TFEC: variants seen among roughly 807,000 people sequenced by gnomAD.
TFEC encodes class E basic helix-loop-helix protein 34.
TFEC carries 31 observed loss-of-function variants against 41.6 expected under a neutral mutation model. The observed-to-expected ratio is 0.74, with a 90% CI of 0.56 to 1.01. The LOEUF is 1.01. Ranked by LOEUF, TFEC falls within the 50% of genes least tolerant of loss-of-function variation. The probability of loss-of-function intolerance (pLI) is 0.00; values close to 1 mark genes in which losing one functional copy is unlikely to be tolerated. For synonymous variants in TFEC, 143 were observed against 140.6 expected (o/e 1.02, Z -0.12); for missense variants, 402 against 404.1 (o/e 0.99, Z 0.04).
intron 3 of TFEC, among the ~76,000 whole-genome samples, chr7:115,972,872 TG>T: frequency 6.6e-6 from 1 of 152,024 alleles, no homozygotes; most frequent in East Asian, 1.9e-4. Context: ...GTAAGTACCA[TG>T]TACAAAGAAG....
intron 6 of TFEC, among the ~76,000 whole-genome samples, chr7:115,947,752 C>T (rs550602547): frequency 9.3e-6 from 1 of 107,218 alleles, no homozygotes; most frequent in Non-Finnish European, 2.0e-5. Flanking sequence ...CGTTCACCCA[C>T]TTTTTGATGG....
At chr7:116,039,972 C>G (rs1370682018) in intron 3 of TFEC, among the ~76,000 whole-genome samples, 1 of 152,020 alleles carries the variant, frequency 6.6e-6, no homozygotes, top group African/African-American at 2.4e-5. Context: ...TTCCCTTGTT[C>G]CTCAAGTAAG....
At chr7:116,128,104 T>C (rs937095803) in intron 1 of TFEC, among the ~76,000 whole-genome samples, 1 of 152,172 alleles carries the variant, frequency 6.6e-6, no homozygotes, top group Non-Finnish European at 1.5e-5. Flanking sequence ...AAATGCAAAA[T>C]AGTCAATAAA....
At chr7:116,114,277 G>C (rs533425198) in intron 1 of TFEC, among the ~76,000 whole-genome samples, 4 of 152,090 alleles carry the variant, frequency 2.6e-5, no homozygotes, top group African/African-American at 9.6e-5. Context: ...TGGATATCAG[G>C]TAGAAAATAT....
chr7:116,052,522 G>A (rs542377019), intron 3 of TFEC, among the ~76,000 whole-genome samples: 2 of 152,054 alleles, frequency 1.3e-5, no homozygotes, highest in South Asian at 4.2e-4. Flanking sequence ...TCCAGCTCCC[G>A]GGTTCCAGTG....
chr7:115,964,119 T>G (rs988797348), intron 3 of TFEC, among the ~76,000 whole-genome samples: 1 of 151,502 alleles, frequency 6.6e-6, no homozygotes, highest in Non-Finnish European at 1.5e-5. Flanking sequence ...TTGACAAAAA[T>G]TTGCCATTGA....
At chr7:116,041,437 T>C (rs1021865674) in intron 3 of TFEC, among the ~76,000 whole-genome samples, 5 of 152,174 alleles carry the variant, frequency 3.3e-5, no homozygotes, top group Admixed American at 3.3e-4. Flanking sequence ...CACTTACATA[T>C]GTTATGGAAC....
rs1280354561 is a variant in TFEC, at chr7:115,937,562, T to C, written c.*2989A>G. 2.0e-5 allele frequency: 3 copies of C among 151,838 alleles called. No individual in the cohort carries two copies. The highest frequency in any genetic ancestry group is 4.4e-5 in the Non-Finnish European group (3 of 67,792). The allele number at this position is 151,838 out of a possible 1,614,324, so 9.4% of individuals were successfully genotyped here. The stretch of plus-strand genomic sequence containing the variant: ...AATTATAGTGAAACTGACCCATATA[T>C]AATAAATAGAAGGCATAGTTTGCTG... On this transcript the variant is annotated 3_prime_UTR_variant, in exon 8 of 8. Coordinates refer to ENST00000265440, the MANE Select transcript of TFEC (RefSeq NM_012252.4).
At chr7:115,989,347 G>C (rs1321249040) in intron 1 of TFEC, among the ~76,000 whole-genome samples, 2 of 152,214 alleles carry the variant, frequency 1.3e-5, no homozygotes, top group Non-Finnish European at 2.9e-5. Flanking sequence ...CAGAAGACAG[G>C]TGATTTCTGC....
rs114501056 is a variant in TFEC at position 115,939,419 on chromosome 7, T to A, written c.*1132A>T. The A allele has an allele frequency of 6.6e-6, 1 of 152,062 alleles. No homozygotes were observed. The highest frequency in any genetic ancestry group is 1.9e-4 in the East Asian group (1 of 5,174). 9.4% of individuals were successfully genotyped at this position (152,062 alleles called of 1,614,324 possible). ...ATGCTAACAGTGCAACCAAAGATCA[T>A]AGGACACTCTAAGTGTTTATAGAAA... On this transcript the variant is annotated 3_prime_UTR_variant, in exon 8 of 8. Coordinates refer to ENST00000265440, the MANE Select transcript of TFEC (RefSeq NM_012252.4).
intron 1 of TFEC, among the ~76,000 whole-genome samples, chr7:115,993,258 T>TG: frequency 6.6e-6 from 1 of 152,284 alleles, no homozygotes; most frequent in East Asian, 1.9e-4. Flanking sequence ...TCATACTGAA[T>TG]GGGAAAAAAC....
intron 2 of TFEC, among the ~76,000 whole-genome samples, chr7:115,980,610 C>T (rs1243275818): frequency 6.6e-6 from 1 of 151,894 alleles, no homozygotes; most frequent in East Asian, 1.9e-4. Flanking sequence ...ATTAGCTGGG[C>T]GTGGTGGCTT....
chr7:116,080,409 A>C (rs1797060134), intron 3 of TFEC, among the ~76,000 whole-genome samples: 1 of 152,150 alleles, frequency 6.6e-6, no homozygotes, highest in African/African-American at 2.4e-5. Context: ...GAAAATCTTT[A>C]CAATGTATGC....
intron 1 of TFEC, among the ~76,000 whole-genome samples, chr7:116,000,055 A>G (rs907846788): frequency 1.3e-5 from 2 of 152,120 alleles, no homozygotes; most frequent in African/African-American, 4.8e-5. Flanking sequence ...ATGAACATTG[A>G]TGCAAAAATC....
At chr7:115,980,411 C>T (rs966591026) in intron 2 of TFEC, among the ~76,000 whole-genome samples, 1 of 152,144 alleles carries the variant, frequency 6.6e-6, no homozygotes, top group Non-Finnish European at 1.5e-5. Flanking sequence ...CTCTGACTAC[C>T]TACTTCTGGC....
chr7:115,967,842 T>C (rs1405777315), intron 3 of TFEC, among the ~76,000 whole-genome samples: 1 of 151,836 alleles, frequency 6.6e-6, no homozygotes, highest in Non-Finnish European at 1.5e-5. Context: ...GCATATTATA[T>C]ACATATGACC....
intron 3 of TFEC, among the ~76,000 whole-genome samples, chr7:116,065,904 T>C (rs1052340598): frequency 6.6e-6 from 1 of 152,130 alleles, no homozygotes; most frequent in Non-Finnish European, 1.5e-5. Context: ...TGGAGCTACA[T>C]GGTGCCAACT....
intron 3 of TFEC, among the ~76,000 whole-genome samples, chr7:116,088,221 C>CTCT (rs1797244450): frequency 6.6e-6 from 1 of 152,096 alleles, no homozygotes; most frequent in Non-Finnish European, 1.5e-5. Flanking sequence ...GTGGATTGGA[C>CTCT]AACCACCCAT....
At chr7:116,019,351 TA>T (rs1385278241) in intron 1 of TFEC, among the ~76,000 whole-genome samples, 1 of 152,226 alleles carries the variant, frequency 6.6e-6, no homozygotes, top group Non-Finnish European at 1.5e-5. Flanking sequence ...GATTTATTGG[TA>T]AACTTGTCTA....
Sources: allele counts gnomAD v4.1 joint callset (sites outside exome capture counted in the v4.1 genomes callset), GRCh38; gene constraint gnomAD v4.1.1; transcripts MANE v1.5; gene names NCBI Gene and HGNC (gene_info 2026-07-23, HGNC 2026-07-21).